KIF6: variants seen among roughly 807,000 people sequenced by gnomAD.
KIF6 encodes the protein kinesin-like protein KIF6.
Under a neutral mutation model 112.7 loss-of-function variants are expected in KIF6, and 106 were observed. That is an observed-to-expected ratio of 0.94 (90% CI 0.80 to 1.11). The LOEUF (loss-of-function observed/expected upper bound fraction) is 1.11, where lower values mean the gene tolerates loss of function less well. Among genes scored for constraint, KIF6 ranks in the 50% least tolerant of loss-of-function variants. The pLI, the probability that KIF6 is intolerant of heterozygous loss-of-function variation, is 0.00. For missense variants in KIF6, 929 were observed against 964.0 expected, an observed-to-expected ratio of 0.96 and a Z score of 0.48; for synonymous variants, 339 against 339.9, an observed-to-expected ratio of 1.00 and a Z score of 0.03.
intron 3 of KIF6, among the ~76,000 whole-genome samples, chr6:39,694,198 C>T (rs1788392878): frequency 6.6e-6 from 1 of 151,644 alleles, no homozygotes; most frequent in African/African-American, 2.4e-5. Context: ...TATGACAAAC[C>T]CACAGCCAAC....
chr6:39,475,303 T>A (rs763277811), intron 13 of KIF6, among the ~76,000 whole-genome samples: 1 of 152,210 alleles, frequency 6.6e-6, no homozygotes, highest in Non-Finnish European at 1.5e-5. Flanking sequence ...TGTTAAATGC[T>A]GAACATATGT....
chr6:39,576,114 G>T (rs924621127), intron 10 of KIF6, among the ~76,000 whole-genome samples: 1 of 152,110 alleles, frequency 6.6e-6, no homozygotes, highest in Admixed American at 6.5e-5. Flanking sequence ...ACAGGAATTC[G>T]CAGAAACACT....
chr6:39,413,212 A>G (rs552131388), intron 15 of KIF6, among the ~76,000 whole-genome samples: 12 of 152,182 alleles, frequency 7.9e-5, no homozygotes, highest in African/African-American at 2.9e-4. Flanking sequence ...TAAGCTCCCC[A>G]TTCACAGCTT....
At chr6:39,440,381 G>A (rs78933644) in intron 13 of KIF6, among the ~76,000 whole-genome samples, 2,753 of 152,276 alleles carry the variant, frequency 0.018, 79 homozygotes, top group African/African-American at 0.062. Context: ...AGAATCTGGA[G>A]GTGCATACAA....
At chr6:39,391,383 C>T (rs763228619) in intron 15 of KIF6, among the ~76,000 whole-genome samples, 6 of 152,148 alleles carry the variant, frequency 3.9e-5, no homozygotes, top group Non-Finnish European at 7.4e-5. Context: ...ACTGATGAAA[C>T]GTGCACCAGA....
chr6:39,477,978 A>G (rs150591664), intron 13 of KIF6, among the ~76,000 whole-genome samples: 129 of 152,324 alleles, frequency 8.5e-4, no homozygotes, highest in African/African-American at 2.7e-3. Context: ...AGCAAAATAA[A>G]TTAACATATA....
intron 3 of KIF6, chr6:39,690,480 G>A (rs1357031432): frequency 2.0e-5 from 3 of 152,286 alleles, no homozygotes; most frequent in African/African-American, 4.8e-5. Flanking sequence ...AGATGGCCTG[G>A]ACAGGGAGTG....
chr6:39,686,706 G>T lies in KIF6; in HGVS notation c.251+27986C>A, dbSNP rs371213065. On this transcript the variant is annotated intron_variant, in intron 3 of 22. Transcript: ENST00000287152. ...CTGTGAACAAATCTGTCAAAACCAG[G>T]ACCTTCACTATAGAATAACCACCCA... Among the ~76,000 whole-genome samples the T allele has an allele frequency of 3.9e-5, 6 of 152,182 alleles. No individual in the cohort carries two copies. In the East Asian group the frequency reaches 1.2e-3, roughly 29 times the overall value.
intron 13 of KIF6, among the ~76,000 whole-genome samples, chr6:39,534,966 T>C (rs1261422200): frequency 6.6e-6 from 1 of 152,118 alleles, no homozygotes; most frequent in Non-Finnish European, 1.5e-5. Flanking sequence ...CAAACTAAGC[T>C]TCATAAGTGA....
chr6:39,693,505 C>G (rs1188017893), intron 3 of KIF6, among the ~76,000 whole-genome samples: 2 of 152,090 alleles, frequency 1.3e-5, no homozygotes, highest in Non-Finnish European at 2.9e-5. Context: ...CAATAATTAT[C>G]TTTAAAAAGG....
At chr6:39,677,513 T>TTATG (rs1165824118) in intron 3 of KIF6, among the ~76,000 whole-genome samples, 1 of 129,990 alleles carries the variant, frequency 7.7e-6, no homozygotes. Context: ...ACAATTTTAT[T>TTATG]TATTTATTTA....
intron 19 of KIF6, chr6:39,353,753 G>A: frequency 4.2e-6 from 1 of 239,178 alleles, no homozygotes. Context: ...TGGGATGGCG[G>A]TGCTGTAGCC....
At chr6:39,698,628 T>C (rs775811746) in intron 3 of KIF6, among the ~76,000 whole-genome samples, 47 of 152,202 alleles carry the variant, frequency 3.1e-4, no homozygotes, top group Non-Finnish European at 4.7e-4. Context: ...AGTGAAAATA[T>C]ACTGTACTTC....
chr6:39,619,250 T>G (rs953118236), intron 5 of KIF6, among the ~76,000 whole-genome samples: 1 of 152,220 alleles, frequency 6.6e-6, no homozygotes, highest in African/African-American at 2.4e-5. Flanking sequence ...TTCTTTTATT[T>G]CAAACTGGCA....
intron 13 of KIF6, among the ~76,000 whole-genome samples, chr6:39,506,905 G>A (rs1272389663): frequency 6.6e-6 from 1 of 152,178 alleles, no homozygotes; most frequent in African/African-American, 2.4e-5. Flanking sequence ...AAGGTGCTGG[G>A]AGGGCAGTGT....
intron 3 of KIF6, among the ~76,000 whole-genome samples, chr6:39,641,859 TC>T (rs1047879407): frequency 6.6e-6 from 1 of 152,008 alleles, no homozygotes; most frequent in African/African-American, 2.4e-5. Flanking sequence ...TAATATGTGC[TC>T]CCCCTACCCC....
intron 13 of KIF6, among the ~76,000 whole-genome samples, chr6:39,504,527 G>C (rs1469702127): frequency 5.3e-5 from 8 of 152,132 alleles, no homozygotes; most frequent in East Asian, 1.9e-4. Context: ...ATAAGTAAAG[G>C]ATATTCAAAT....
At chr6:39,427,198 C>T (rs532814912) in intron 14 of KIF6, among the ~76,000 whole-genome samples, 1 of 152,272 alleles carries the variant, frequency 6.6e-6, no homozygotes, top group African/African-American at 2.4e-5. Context: ...CAGAACTGCC[C>T]ATCTTCCCAC....
chr6:39,591,434 A>C (rs1233820289), intron 7 of KIF6, among the ~76,000 whole-genome samples: 1 of 152,220 alleles, frequency 6.6e-6, no homozygotes, highest in Non-Finnish European at 1.5e-5. Flanking sequence ...GTGGTATTGG[A>C]ATGTCTATCT....
Sources: gnomAD v4.1 joint callset for allele counts (sites outside exome capture counted in the v4.1 genomes callset) on GRCh38, gnomAD v4.1.1 for gene constraint, MANE v1.5 for transcripts, NCBI Gene and HGNC (gene_info 2026-07-23, HGNC 2026-07-21) for gene names.